Variants in TUBGCP5 observed in about 807,000 individuals in gnomAD.
TUBGCP5 encodes the protein tubulin gamma complex component 5, also known as gamma-tubulin complex component 5.
A neutral mutation model predicts 134.7 loss-of-function variants in TUBGCP5; 98 were observed. The ratio of observed to expected loss-of-function variants is 0.73; its 90% CI spans 0.62 to 0.86. TUBGCP5 has a LOEUF of 0.86. Ranked by LOEUF, TUBGCP5 falls within the 40% of genes least tolerant of loss-of-function variation. TUBGCP5 has a pLI of 0.00. For synonymous variants in TUBGCP5, 456 were observed against 431.4 expected, an observed-to-expected ratio of 1.06 and a Z score of -0.71; for missense variants, 1,150 against 1,244.8, an observed-to-expected ratio of 0.92 and a Z score of 1.15.
chr15:23,005,631 A>G, intron 18 of TUBGCP5, 21 bp from the exon 19 acceptor site: 2 of 1,604,870 alleles, frequency 1.2e-6, no homozygotes, highest in East Asian at 2.2e-5. Context: ...TTGGAAGAGC[A>G]AAGTGGACAG....
chr15:23,034,183 TG>T (rs1040581511), intron 3 of TUBGCP5, among the ~76,000 whole-genome samples: 1 of 152,214 alleles, frequency 6.6e-6, no homozygotes, highest in African/African-American at 2.4e-5. Flanking sequence ...TTGAAGGCTC[TG>T]GAACTTCAGT....
intron 13 of TUBGCP5, among the ~76,000 whole-genome samples, chr15:23,017,291 T>G (rs1309048004): frequency 6.6e-6 from 1 of 151,978 alleles, no homozygotes; most frequent in East Asian, 1.9e-4. Flanking sequence ...TAATGTATTA[T>G]AGAGTTGCAC....
rs531102064 is a variant in TUBGCP5, at chr15:23,024,054, G to C, written c.1061C>G (p.Thr354Ser). 3 of 1,614,168 alleles carry C rather than the reference G, an allele frequency of 1.9e-6. No individual in the cohort carries two copies. Among genetic ancestry groups the C allele is most frequent in the South Asian group, 1.1e-5 (1 of 91,088 alleles). Residue 354 changes from threonine (T) to serine (S), a missense_variant, in exon 10 of 23, where the codon ACT becomes AGT. Physicochemically the swap from Thr to Ser is moderately conservative, Grantham distance 58. Around this residue, in one of 2 missense-constraint regions of TUBGCP5, gnomAD observed 697 missense variants for 850.1 expected, o/e 0.82. Transcript: ENST00000615383. Reference sequence around the variant, plus strand: ...CTGGTAGGTTCTAAAGGGAGCTTCAGTTGACTTCTTAGGAACAGACCCACT... The same window carrying C: ...CTGGTAGGTTCTAAAGGGAGCTTCACTTGACTTCTTAGGAACAGACCCACT... ...PGSGSVPKKS[T>S]EAPFRTYQAF...
chr15:23,035,913 T>C (rs1423501754), intron 3 of TUBGCP5, among the ~76,000 whole-genome samples: 1 of 152,182 alleles, frequency 6.6e-6, no homozygotes, highest in African/African-American at 2.4e-5. Flanking sequence ...GCCCTATGCC[T>C]GTAAAATGTG....
rs1422609940 is a variant in TUBGCP5 at position 23,013,269 on chromosome 15, G to A, written c.1757-1938C>T. On this transcript the variant is annotated intron_variant, in intron 13 of 22. Transcript: ENST00000615383. This position sits in a 1 kb window ranked among gnomAD's most constrained non-coding sequence, Gnocchi z 4.5. ...GGATCGAGACCATACTGGCTAGTAT[G>A]GTAAAACCCCGTCTCTACTAAAAAT... Among the ~76,000 whole-genome samples the A allele has an allele frequency of 6.6e-6, 1 of 151,884 alleles. No individual in the cohort carries two copies. The highest frequency in any genetic ancestry group is 2.4e-5 in the African/African-American group (1 of 41,316).
chr15:23,006,817 A>C lies in TUBGCP5; in HGVS notation c.2328-465T>G, dbSNP rs77069869. Among the ~76,000 whole-genome samples, 414 of 152,266 alleles carry C rather than the reference A, an allele frequency of 2.7e-3. 9 individuals carry two copies. The East Asian group carries it at 0.07, about 26-fold the overall frequency. On this transcript the variant is annotated intron_variant, in intron 16 of 22. Coordinates refer to ENST00000615383, the MANE Select transcript of TUBGCP5 (RefSeq NM_052903.6). ...GGCACTGTGCAGTGCTTCATCCACA[A>C]GTTCCTGAGACAGGTTTGAATGTGA...
rs998730126 is a variant in TUBGCP5 at position 22,988,750 on chromosome 15, T to A, written c.*62-5139A>T. ...GACTCCGTCTCAAAAAAAAAAAAAA[T>A]CTGTTTTTTTGTTGTTTGTTGTTTG... On this transcript the variant is annotated intron_variant and NMD_transcript_variant, in intron 23 of 23. Coordinates refer to the TUBGCP5 transcript ENST00000614508. 4.3e-5 allele frequency among the ~76,000 whole-genome samples: 5 copies of A among 117,412 alleles called. No homozygotes were observed. In the South Asian group the frequency reaches 1.2e-3, roughly 28 times the overall value. 77.0% of individuals were successfully genotyped at this position (117,412 alleles called of 152,430 possible).
chr15:23,013,387 A>G lies in TUBGCP5; in HGVS notation c.1757-2056T>C, dbSNP rs2065144999. On this transcript the variant is annotated intron_variant, in intron 13 of 22. Coordinates refer to ENST00000615383, the MANE Select transcript of TUBGCP5 (RefSeq NM_052903.6). The surrounding 1 kb of genome is among the most constrained non-coding windows in gnomAD (Gnocchi z 4.5). The stretch of plus-strand genomic sequence containing the variant: ...AGAGAACCCAGGAGGCGAAGTTCGC[A>G]GTGAGCCGAGATCGCGCCGCTGCAC... Among the ~76,000 whole-genome samples, 1 of 152,008 alleles carries G rather than the reference A, an allele frequency of 6.6e-6. No individual in the cohort carries two copies. The highest frequency in any genetic ancestry group is 1.5e-5 in the Non-Finnish European group (1 of 68,000).
chr15:22,983,852 G>A (rs1457920803), intron 23 of TUBGCP5, among the ~76,000 whole-genome samples: 1 of 152,132 alleles, frequency 6.6e-6, no homozygotes, highest in African/African-American at 2.4e-5. Context: ...GCCAGGTGCG[G>A]TGGCTCATGC....
intron 23 of TUBGCP5, among the ~76,000 whole-genome samples, chr15:22,984,172 C>T (rs181104347): frequency 1.1e-3 from 161 of 152,286 alleles, no homozygotes; most frequent in Non-Finnish European, 4.1e-4. Flanking sequence ...TTTAAAGCCT[C>T]TGGAAATGGG....
chr15:22,987,850 T>C (rs1405845203), intron 23 of TUBGCP5, among the ~76,000 whole-genome samples: 2 of 131,730 alleles, frequency 1.5e-5, no homozygotes, highest in South Asian at 2.5e-4. Flanking sequence ...GAGCCGAGAT[T>C]GCGCCACCAC....
chr15:23,026,451 GT>G (rs1330201539), intron 7 of TUBGCP5, among the ~76,000 whole-genome samples: 4 of 151,996 alleles, frequency 2.6e-5, no homozygotes, highest in Non-Finnish European at 5.9e-5. Flanking sequence ...ATGTAATGTT[GT>G]TTTCTGGAAA....
At chr15:23,002,063 TA>T (rs35674506) in intron 21 of TUBGCP5, among the ~76,000 whole-genome samples, 72,088 of 149,538 alleles carry the variant, frequency 0.48, 17,808 homozygotes, top group East Asian at 0.6. Context: ...CATTTATTTG[TA>T]AAAAAAACCT....
At position 23,011,229 on chromosome 15, in the gene TUBGCP5, G is replaced by C. The variant is rs202095385; in HGVS notation, c.1859C>G (p.Ala620Gly). The change falls in exon 14 of 23, where the codon GCA (alanine) becomes GGA (glycine). Residue 620 changes from alanine (A) to glycine (G), a missense_variant. Physicochemically the swap from Ala to Gly is moderately conservative, Grantham distance 60. Transcript: ENST00000615383. Reference sequence around the variant, plus strand: ...CATCTTCATCAGGTTCTCCTTGGTTGCCTGTTGCTCAGTAAGAACCTGTGG... The same window carrying C: ...CATCTTCATCAGGTTCTCCTTGGTTCCCTGTTGCTCAGTAAGAACCTGTGG... ...STPQVLTEQQ[A>G]TKENLMKMQS... 71 of 1,613,746 alleles carry C rather than the reference G, an allele frequency of 4.4e-5. No homozygotes were observed. In the Middle Eastern group the frequency reaches 4.9e-4, roughly 11 times the overall value.
rs527293344 is a variant in TUBGCP5, at chr15:23,005,255, G to A, written c.2712+177C>T. ...AACAGCCTCTGGATACACATATTCCGGTATATTTACAAAAACATTCCTCCC... is the reference window on the plus strand; with the variant it reads ...AACAGCCTCTGGATACACATATTCCAGTATATTTACAAAAACATTCCTCCC... On this transcript the variant is annotated intron_variant, in intron 19 of 22. Coordinates refer to ENST00000615383, the MANE Select transcript of TUBGCP5 (RefSeq NM_052903.6). Among the ~76,000 whole-genome samples, 29 of 152,140 alleles carry A rather than the reference G, an allele frequency of 1.9e-4. 1 individual carries two copies. The South Asian group carries it at 5.0e-3, about 26-fold the overall frequency.
intron 15 of TUBGCP5, among the ~76,000 whole-genome samples, chr15:23,009,213 C>G (rs79728610): frequency 2.0e-5 from 3 of 151,718 alleles, no homozygotes; most frequent in Non-Finnish European, 2.9e-5. Context: ...GTCTTCTCTT[C>G]TATGTGTTAA....
intron 10 of TUBGCP5, chr15:23,023,504 A>C (rs1477082865): frequency 6.2e-6 from 1 of 160,906 alleles, no homozygotes; most frequent in African/African-American, 2.4e-5. Context: ...TGAAACACTC[A>C]ATTTGTAAAA....
intron 16 of TUBGCP5, among the ~76,000 whole-genome samples, chr15:23,006,954 G>A (rs1177314665): frequency 6.6e-6 from 1 of 152,170 alleles, no homozygotes; most frequent in African/African-American, 2.4e-5. Context: ...AGTGGTTCCT[G>A]AGAAATGATG....
At chr15:23,037,034 A>G in intron 2 of TUBGCP5, 29 bp from the exon 3 acceptor site, 1 of 1,594,450 alleles carries the variant, frequency 6.3e-7, no homozygotes, top group Non-Finnish European at 8.6e-7. Flanking sequence ...TTATAAAGCT[A>G]TCTTAAAAAG....
Sources: allele counts gnomAD v4.1 joint callset (sites outside exome capture counted in the v4.1 genomes callset), GRCh38; gene constraint gnomAD v4.1.1; regional missense constraint gnomAD v4.1.1; non-coding constraint Gnocchi (gnomAD v3.1); transcripts MANE v1.5; gene names NCBI Gene and HGNC (gene_info 2026-07-23, HGNC 2026-07-21).